EHBP1: variants seen among roughly 807,000 people sequenced by gnomAD.
EHBP1 encodes the protein EH domain-binding protein 1.
In EHBP1, 55 loss-of-function variants were observed where a neutral mutation model predicts 144.0. The ratio of observed to expected loss-of-function variants is 0.38; its 90% CI spans 0.31 to 0.48. The LOEUF (loss-of-function observed/expected upper bound fraction) is 0.48, where lower values mean the gene tolerates loss of function less well. EHBP1 is among the 20% of genes least tolerant of loss of function. The pLI is 0.98. For missense variants in EHBP1, 1,200 were observed against 1,364.2 expected, an observed-to-expected ratio of 0.88 and a Z score of 1.90; for synonymous variants, 469 against 472.7, an observed-to-expected ratio of 0.99 and a Z score of 0.10.
In EHBP1 at chr2:62,736,184, A is replaced by G. The variant is rs373077017; in HGVS notation, c.105-11211A>G. The stretch of plus-strand genomic sequence containing the variant: ...TGTAGTTGTTCCGCAGTCTTTGGAT[A>G]TTCTATTCTGTTTTTTTTTTCAGTC... On this transcript the variant is annotated intron_variant, in intron 2 of 22. Coordinates refer to ENST00000431489, the MANE Select transcript of EHBP1 (RefSeq NM_001142616.3). Among the ~76,000 whole-genome samples, 6 of 72,984 alleles carry G rather than the reference A, an allele frequency of 8.2e-5. No homozygotes were observed. The East Asian group carries it at 2.7e-3, about 33-fold the overall frequency. The allele number at this position is 72,984 out of a possible 152,430, so 47.9% of individuals were successfully genotyped here. A position where few individuals can be genotyped will look rare whatever the true frequency, so the allele number is the denominator to read the frequency against.
chr2:62,820,889 A>G (rs1193106584), intron 5 of EHBP1, among the ~76,000 whole-genome samples: 1 of 150,454 alleles, frequency 6.6e-6, no homozygotes, highest in African/African-American at 2.4e-5. Context: ...AATGGAAAGG[A>G]TACAATTTGG....
At chr2:62,743,919 C>T (rs1440952542) in intron 2 of EHBP1, among the ~76,000 whole-genome samples, 1 of 152,118 alleles carries the variant, frequency 6.6e-6, no homozygotes, top group African/African-American at 2.4e-5. Flanking sequence ...CTCTTTCTTC[C>T]TTTCCAGAAT....
At chr2:62,728,517 A>C (rs540230323) in intron 2 of EHBP1, among the ~76,000 whole-genome samples, 1 of 152,310 alleles carries the variant, frequency 6.6e-6, no homozygotes, top group South Asian at 2.1e-4. Context: ...CAATATTTTC[A>C]TATGCTTATA....
intron 9 of EHBP1, among the ~76,000 whole-genome samples, chr2:62,868,445 G>C (rs755145128): frequency 6.6e-6 from 1 of 152,026 alleles, no homozygotes; most frequent in East Asian, 1.9e-4. Context: ...TTTGTATTTG[G>C]GAGATTTCTT....
intron 1 of EHBP1, among the ~76,000 whole-genome samples, chr2:62,681,394 A>C: frequency 7.1e-6 from 1 of 141,206 alleles, no homozygotes. Flanking sequence ...TAATGTGTAT[A>C]TATGTATATA....
chr2:62,792,571 T>G (rs886316147), intron 5 of EHBP1, among the ~76,000 whole-genome samples: 1 of 152,060 alleles, frequency 6.6e-6, no homozygotes, highest in Non-Finnish European at 1.5e-5. Flanking sequence ...ATATACTATA[T>G]TTATGGATTT....
intron 7 of EHBP1, among the ~76,000 whole-genome samples, chr2:62,849,354 C>A (rs1056012036): frequency 2.6e-5 from 4 of 152,076 alleles, no homozygotes; most frequent in African/African-American, 9.7e-5. Flanking sequence ...GCCTTTTCAG[C>A]CAAGATCAAA....
At chr2:62,692,717 T>G (rs1386653899) in intron 1 of EHBP1, among the ~76,000 whole-genome samples, 1 of 151,532 alleles carries the variant, frequency 6.6e-6, no homozygotes, top group African/African-American at 2.4e-5. Flanking sequence ...TGGCCAATTT[T>G]CATTATATTT....
At chr2:62,937,916 A>G (rs1370602237) in intron 10 of EHBP1, among the ~76,000 whole-genome samples, 1 of 152,192 alleles carries the variant, frequency 6.6e-6, no homozygotes, top group Non-Finnish European at 1.5e-5. Context: ...ATGCTATGAC[A>G]TGGGTTGGTT....
chr2:62,988,037 C>T (rs1488797439), intron 15 of EHBP1: 21 of 1,567,900 alleles, frequency 1.3e-5, no homozygotes, highest in Non-Finnish European at 1.6e-5. Flanking sequence ...TTGATACTCC[C>T]GGTAATTTCA....
intron 8 of EHBP1, among the ~76,000 whole-genome samples, chr2:62,862,211 C>T (rs1477675468): frequency 6.6e-6 from 1 of 152,160 alleles, no homozygotes; most frequent in Non-Finnish European, 1.5e-5. Flanking sequence ...CCATGGTGTA[C>T]AGACTTTCAG....
chr2:62,901,901 G>A (rs1312973628), intron 10 of EHBP1, among the ~76,000 whole-genome samples: 1 of 151,746 alleles, frequency 6.6e-6, no homozygotes, highest in Non-Finnish European at 1.5e-5. Flanking sequence ...GGAGGTTGAG[G>A]CTGCAGTGAG....
At chr2:62,781,160 A>G (rs534677045) in intron 5 of EHBP1, among the ~76,000 whole-genome samples, 2 of 152,120 alleles carry the variant, frequency 1.3e-5, no homozygotes, top group South Asian at 4.2e-4. Context: ...TAAGTTTAGG[A>G]TGTTTTATGT....
chr2:62,797,153 T>G (rs2043596894), intron 5 of EHBP1, among the ~76,000 whole-genome samples: 1 of 149,928 alleles, frequency 6.7e-6, no homozygotes. Flanking sequence ...AATTTCTGTT[T>G]GTTTGTTTTT....
At chr2:62,850,282 A>G (rs1290505380) in intron 7 of EHBP1, among the ~76,000 whole-genome samples, 1 of 152,220 alleles carries the variant, frequency 6.6e-6, no homozygotes, top group African/African-American at 2.4e-5. Context: ...ATTTGCAGGT[A>G]TATTCTAGCC....
intron 19 of EHBP1, among the ~76,000 whole-genome samples, chr2:63,020,307 G>C (rs1315697974): frequency 1.5e-5 from 2 of 131,664 alleles, no homozygotes; most frequent in Non-Finnish European, 3.1e-5. Flanking sequence ...CTGTGCAACA[G>C]AGTGAGACTC....
At chr2:62,717,711 T>C (rs1381487788) in intron 2 of EHBP1, among the ~76,000 whole-genome samples, 1 of 152,206 alleles carries the variant, frequency 6.6e-6, no homozygotes, top group African/African-American at 2.4e-5. Context: ...ATAAAGTTTT[T>C]TTTTTAAAAA....
chr2:62,819,400 T>C (rs62179317), intron 5 of EHBP1, among the ~76,000 whole-genome samples: 4,649 of 152,302 alleles, frequency 0.031, 96 homozygotes, highest in Non-Finnish European at 0.047. Flanking sequence ...ATTTCCCAGA[T>C]AAATTATTGT....
rs1425713777 is a variant in EHBP1, at chr2:62,993,386, G to A, written c.2734-144G>A. 5.1e-5 allele frequency: 30 copies of A among 585,920 alleles called. No individual in the cohort carries two copies. In the Admixed American group the frequency reaches 1.1e-3, roughly 22 times the overall value. The allele number at this position is 585,920 out of a possible 1,614,324, so 36.3% of individuals were successfully genotyped here. ...TACAGGCAACAGAACTTGCAGTTGAGCTCTTTAAAGTGCTTTAAAATCCTT... is the reference window on the plus strand; with the variant it reads ...TACAGGCAACAGAACTTGCAGTTGAACTCTTTAAAGTGCTTTAAAATCCTT... On this transcript the variant is annotated intron_variant, in intron 16 of 22. Transcript: ENST00000431489.
Sources: gnomAD v4.1 joint callset for allele counts (sites outside exome capture counted in the v4.1 genomes callset) on GRCh38, gnomAD v4.1.1 for gene constraint, MANE v1.5 for transcripts, NCBI Gene and HGNC (gene_info 2026-07-23, HGNC 2026-07-21) for gene names.